Variants in CAST observed in about 807,000 individuals in gnomAD.
CAST encodes the protein calpastatin.
A neutral mutation model predicts 119.6 loss-of-function variants in CAST; 76 were observed. The ratio of observed to expected loss-of-function variants is 0.64; its 90% CI spans 0.53 to 0.77. The LOEUF is 0.77. Among genes scored for constraint, CAST ranks in the 30% least tolerant of loss-of-function variants. The pLI is 0.00. For missense variants in CAST, 953 were observed against 946.5 expected (o/e 1.01, Z -0.09); for synonymous variants, 319 against 331.6 (o/e 0.96, Z 0.41).
the CAST span, among the ~76,000 whole-genome samples, chr5:96,088,905 A>G: frequency 6.6e-6 from 1 of 152,032 alleles, no homozygotes; most frequent in African/African-American, 2.4e-5. Context: ...TGGGATACCC[A>G]GGGGTGACTC....
the CAST span, among the ~76,000 whole-genome samples, chr5:96,454,312 G>C: frequency 6.6e-6 from 1 of 152,024 alleles, no homozygotes; most frequent in African/African-American, 2.4e-5. Context: ...CCAGTCCAAG[G>C]TCTGAAATTA....
At chr5:96,304,214 T>C in the CAST span, among the ~76,000 whole-genome samples, 1 of 152,248 alleles carries the variant, frequency 6.6e-6, no homozygotes, top group Admixed American at 6.5e-5. Flanking sequence ...TGATGAGCTT[T>C]TTGTCATATG....
chr5:96,491,213 CG>C, the CAST span, among the ~76,000 whole-genome samples: 6 of 151,816 alleles, frequency 4.0e-5, no homozygotes, highest in Admixed American at 3.9e-4. Flanking sequence ...AGGCCGGGCA[CG>C]GTGGCTCAAG....
At chr5:96,641,429 G>C (rs894122287) in intron 1 of CAST, among the ~76,000 whole-genome samples, 1 of 145,070 alleles carries the variant, frequency 6.9e-6, no homozygotes, top group African/African-American at 2.5e-5. Flanking sequence ...GTGGGATGTG[G>C]GGTCAGTATG....
At chr5:95,995,223 AACTG>A in the CAST span, among the ~76,000 whole-genome samples, 3 of 150,108 alleles carry the variant, frequency 2.0e-5, no homozygotes, top group East Asian at 3.8e-4. Context: ...ATAAGAGTCA[AACTG>A]ACCCCAGTGG....
At chr5:96,632,355 TGAA>T (rs1747832549) in intron 1 of CAST, among the ~76,000 whole-genome samples, 2 of 150,840 alleles carry the variant, frequency 1.3e-5, no homozygotes, top group African/African-American at 2.4e-5. Flanking sequence ...TTAATTTTGA[TGAA>T]GCCCAATTTT....
the CAST span, among the ~76,000 whole-genome samples, chr5:95,966,305 A>G: frequency 1.2e-3 from 188 of 152,292 alleles, no homozygotes; most frequent in East Asian, 0.03. Flanking sequence ...CCATGTCCAT[A>G]TGATTTTCTG....
the CAST span, among the ~76,000 whole-genome samples, chr5:96,480,691 TA>T: frequency 3.3e-5 from 5 of 152,096 alleles, no homozygotes; most frequent in African/African-American, 4.8e-5. Context: ...AAGAGTGGTT[TA>T]AAAGGTTGGA....
chr5:96,237,536 A>G, the CAST span, among the ~76,000 whole-genome samples: 922 of 152,248 alleles, frequency 6.1e-3, 11 homozygotes, highest in African/African-American at 0.021. Context: ...AAGTTTCTAT[A>G]ATTTGTATAT....
At chr5:96,244,935 C>T in the CAST span, among the ~76,000 whole-genome samples, 3 of 152,098 alleles carry the variant, frequency 2.0e-5, no homozygotes, top group East Asian at 1.9e-4. Context: ...AAATGGCATG[C>T]GGAGCAAAGA....
At chr5:96,463,713 C>T in the CAST span, among the ~76,000 whole-genome samples, 1 of 151,932 alleles carries the variant, frequency 6.6e-6, no homozygotes, top group South Asian at 2.1e-4. Flanking sequence ...AAGGTGGTAC[C>T]CCAATTAAAT....
intron 4 of CAST, among the ~76,000 whole-genome samples, chr5:96,723,617 T>C (rs945433602): frequency 2.6e-5 from 4 of 152,198 alleles, no homozygotes; most frequent in Non-Finnish European, 5.9e-5. Context: ...TCTAGTGGTA[T>C]TGTCCACTTT....
chr5:96,443,463 A>G, the CAST span, among the ~76,000 whole-genome samples: 4 of 152,258 alleles, frequency 2.6e-5, no homozygotes, highest in African/African-American at 9.6e-5. Context: ...AACCTAGTCA[A>G]GAAAGCCACA....
At chr5:96,313,180 A>G in the CAST span, among the ~76,000 whole-genome samples, 2 of 152,156 alleles carry the variant, frequency 1.3e-5, no homozygotes, top group African/African-American at 4.8e-5. Flanking sequence ...CTTAGACATA[A>G]AAGTTTATTT....
intron 1 of CAST, among the ~76,000 whole-genome samples, chr5:96,602,528 G>T (rs769317342): frequency 3.3e-5 from 5 of 152,202 alleles, no homozygotes; most frequent in African/African-American, 1.2e-4. Context: ...GAGGCAGGCA[G>T]ATCACCTGAG....
At chr5:96,430,653 A>G in the CAST span, among the ~76,000 whole-genome samples, 1 of 152,240 alleles carries the variant, frequency 6.6e-6, no homozygotes, top group Non-Finnish European at 1.5e-5. Flanking sequence ...AAAAAGAGAA[A>G]TAAGCAGAAC....
chr5:96,038,724 G>A, the CAST span, among the ~76,000 whole-genome samples: 1 of 152,114 alleles, frequency 6.6e-6, no homozygotes, highest in Non-Finnish European at 1.5e-5. Flanking sequence ...TGGCTGCATA[G>A]TATGCCATGG....
the CAST span, among the ~76,000 whole-genome samples, chr5:96,262,778 G>A: frequency 1.5e-4 from 23 of 151,950 alleles, no homozygotes; most frequent in African/African-American, 2.2e-4. Context: ...CTCGTGATCC[G>A]CCTGCCTCGG....
At chr5:95,965,937 T>TC in the CAST span, among the ~76,000 whole-genome samples, 127 of 152,286 alleles carry the variant, frequency 8.3e-4, no homozygotes, top group Middle Eastern at 6.8e-3. Context: ...TTATTATTAT[T>TC]ATCATCATCA....
Sources: gnomAD v4.1 joint callset for allele counts (sites outside exome capture counted in the v4.1 genomes callset) on GRCh38, gnomAD v4.1.1 for gene constraint, MANE v1.5 for transcripts, NCBI Gene and HGNC (gene_info 2026-07-23, HGNC 2026-07-21) for gene names.